Variants in CCNH observed in about 807,000 individuals in gnomAD.
CCNH encodes cyclin H.
Under a neutral mutation model 41.9 loss-of-function variants are expected in CCNH, and 31 were observed. The ratio of observed to expected loss-of-function variants is 0.74; its 90% CI spans 0.56 to 1.00. The LOEUF (loss-of-function observed/expected upper bound fraction) is 1.00. Ranked by LOEUF, CCNH falls within the 50% of genes least tolerant of loss-of-function variation. The pLI, the probability that CCNH is intolerant of heterozygous loss-of-function variation, is 0.00. For synonymous variants in CCNH, 138 were observed against 136.1 expected (o/e 1.01, Z -0.10); for missense variants, 362 against 388.4 (o/e 0.93, Z 0.57).
intron 7 of CCNH, among the ~76,000 whole-genome samples, chr5:87,396,194 G>A (rs185048381): frequency 6.6e-6 from 1 of 152,276 alleles, no homozygotes; most frequent in Admixed American, 6.5e-5. Context: ...GGGAGGATGT[G>A]TATAGGTTAT....
At chr5:87,369,439 TAGAACATTTTTGGTCTA>T (rs1760766265) in intron 9 of CCNH, among the ~76,000 whole-genome samples, 2 of 152,178 alleles carry the variant, frequency 1.3e-5, no homozygotes, top group South Asian at 4.1e-4. Flanking sequence ...GATAATTACT[TAGAACATTTTTGGTCTA>T]AGAACATTTC....
intron 9 of CCNH, among the ~76,000 whole-genome samples, chr5:87,324,385 A>T (rs912532002): frequency 1.1e-4 from 16 of 151,902 alleles, no homozygotes; most frequent in African/African-American, 3.6e-4. Flanking sequence ...TACTAGGGTG[A>T]TGGGAGTTAA....
Position 87,352,303 on chromosome 5 carries a change from TACAC to T in CCNH, c.*91-33410_*91-33407del, listed in dbSNP as rs142667821. ...ATAGGGAAGATAACATACTTGAAGATACACACACACACACATATATATTCTAATT... is the reference window on the plus strand; with the variant it reads ...ATAGGGAAGATAACATACTTGAAGATACACACACACATATATATTCTAATT... On this transcript the variant is annotated intron_variant and NMD_transcript_variant, in intron 9 of 9. Coordinates refer to the CCNH transcript ENST00000645953. 1.6e-3 allele frequency among the ~76,000 whole-genome samples: 240 copies of T among 150,142 alleles called. 1 individual carries two copies. Among genetic ancestry groups the T allele is most frequent in the Middle Eastern group, 6.9e-3 (2 of 288 alleles).
At chr5:87,393,148 T>TAA (rs796376083), downstream of CCNH, among the ~76,000 whole-genome samples, 3 of 152,074 alleles carry the variant, frequency 2.0e-5, no homozygotes, top group African/African-American at 7.2e-5. Flanking sequence ...ATGCATATAG[T>TAA]AAGTATTGCC....
Position 87,406,452 on chromosome 5 carries a change from T to G in CCNH, c.526-1445A>C, listed in dbSNP as rs3093798. 9.3e-3 allele frequency among the ~76,000 whole-genome samples: 1,409 copies of G among 152,270 alleles called. 10 individuals carry two copies. Among genetic ancestry groups the G allele is most frequent in the South Asian group, 0.023 (109 of 4,824 alleles). On this transcript the variant is annotated intron_variant, in intron 4 of 8. Transcript: ENST00000256897. ...CATCTCTATATGCAATCAATCCTCA[T>G]GTTCTATTGATTCTACCTAACTACA...
chr5:87,338,536 A>ATATATATATATATATATATATATATTTT, intron 9 of CCNH, among the ~76,000 whole-genome samples: 2 of 85,216 alleles, frequency 2.3e-5, no homozygotes, highest in East Asian at 4.9e-4. Context: ...TATATATAAA[A>ATATATATATATATATATATATATATTTT]TTTTTTTTTT....
chr5:87,339,870 A>G (rs889819923), intron 9 of CCNH, among the ~76,000 whole-genome samples: 3 of 152,132 alleles, frequency 2.0e-5, no homozygotes, highest in Non-Finnish European at 4.4e-5. Flanking sequence ...TTCTTTGTAG[A>G]TTGAAAAACC....
chr5:87,349,559 T>C (rs571031020), intron 9 of CCNH, among the ~76,000 whole-genome samples: 17 of 152,072 alleles, frequency 1.1e-4, no homozygotes, highest in Middle Eastern at 6.8e-3. Context: ...TAGTAACTTA[T>C]ACTTTGTTTC....
chr5:87,331,357 C>A lies in CCNH; in HGVS notation c.*91-12460G>T. ...TCTGTTTTTCCCCTAGGTGGTATCA[C>A]GGAAAACTTGACAGAACGATAGCAG... On this transcript the variant is annotated intron_variant and NMD_transcript_variant, in intron 9 of 9. Coordinates refer to the CCNH transcript ENST00000645953. The A allele has an allele frequency of 1.2e-6, 2 of 1,607,990 alleles. No homozygotes were observed. The highest frequency in any genetic ancestry group is 1.3e-5 in the African/African-American group (1 of 74,860).
chr5:87,323,717 C>CT lies in CCNH; in HGVS notation c.*91-4821dup, dbSNP rs796856633. Among the ~76,000 whole-genome samples the CT allele has an allele frequency of 2.3e-3, 331 of 143,918 alleles. 1 individual carries two copies. The highest frequency in any genetic ancestry group is 0.011 in the Middle Eastern group (3 of 272). The allele number at this position is 143,918 out of a possible 152,430, so 94.4% of individuals were successfully genotyped here. A position where few individuals can be genotyped will look rare whatever the true frequency, so the allele number is the denominator to read the frequency against. ...CTATATATCTTTTGATAAGTCAATT[C>CT]TTTTTTTTTTTGCCTGTGCTTTTTC... is the stretch of plus-strand genomic sequence containing the variant. On this transcript the variant is annotated intron_variant and NMD_transcript_variant, in intron 9 of 9. Transcript: ENST00000645953.
At chr5:87,329,707 TG>T (rs1757474087) in intron 9 of CCNH, among the ~76,000 whole-genome samples, 1 of 152,146 alleles carries the variant, frequency 6.6e-6, no homozygotes, top group Non-Finnish European at 1.5e-5. Context: ...ATTTTATCTT[TG>T]TTGGGTATAT....
At chr5:87,312,969 G>A in the CCNH span, among the ~76,000 whole-genome samples, 11 of 152,206 alleles carry the variant, frequency 7.2e-5, no homozygotes, top group African/African-American at 2.7e-4. Context: ...GAAGGAAAAT[G>A]ATACTTTCCC....
intron 7 of CCNH, among the ~76,000 whole-genome samples, chr5:87,395,406 G>T (rs1179823930): frequency 6.6e-6 from 1 of 151,624 alleles, no homozygotes; most frequent in Non-Finnish European, 1.5e-5. Context: ...AGTGTTGGAG[G>T]ACCTTGTCCC....
intron 9 of CCNH, among the ~76,000 whole-genome samples, chr5:87,364,706 C>T (rs531391107): frequency 6.4e-4 from 97 of 152,134 alleles, no homozygotes; most frequent in African/African-American, 2.3e-3. Context: ...TGGGTTGAAT[C>T]CTTCCTCAAA....
At chr5:87,394,667 G>A in intron 8 of CCNH, 183 bp from the exon 9 acceptor site, 1 of 1,396,876 alleles carries the variant, frequency 7.2e-7, no homozygotes, top group Non-Finnish European at 9.3e-7. Flanking sequence ...GACTCCTCCA[G>A]TGAGGAATAA....
intron 9 of CCNH, among the ~76,000 whole-genome samples, chr5:87,328,441 G>C (rs575831250): frequency 1.8e-4 from 27 of 152,136 alleles, no homozygotes; most frequent in Middle Eastern, 3.4e-3. Context: ...ATGTTTTCTT[G>C]TATTTCTTTG....
chr5:87,335,381 C>T (rs181009757), intron 9 of CCNH, among the ~76,000 whole-genome samples: 11 of 137,446 alleles, frequency 8.0e-5, no homozygotes, highest in Admixed American at 1.5e-4. Flanking sequence ...GAAATAATGA[C>T]TTTTCTGATG....
At chr5:87,337,238 C>T (rs1022410101) in intron 9 of CCNH, among the ~76,000 whole-genome samples, 1 of 151,908 alleles carries the variant, frequency 6.6e-6, no homozygotes, top group African/African-American at 2.4e-5. Flanking sequence ...TTGTTGTTTC[C>T]ATAATTGTGT....
chr5:87,324,146 A>G lies in CCNH; in HGVS notation c.*91-5249T>C, dbSNP rs377432359. Among the ~76,000 whole-genome samples, 12 of 152,320 alleles carry G rather than the reference A, an allele frequency of 7.9e-5. 1 individual carries two copies. Among genetic ancestry groups the G allele is most frequent in the Admixed American group, 5.2e-4 (8 of 15,292 alleles). Reference sequence around the variant, plus strand: ...ATGTGCTGAATGGTATGATACTATAATTGTTGAAGTTCTAAGAAAAACCCA... The same window carrying G: ...ATGTGCTGAATGGTATGATACTATAGTTGTTGAAGTTCTAAGAAAAACCCA... On this transcript the variant is annotated intron_variant and NMD_transcript_variant, in intron 9 of 9. Coordinates refer to the CCNH transcript ENST00000645953.
Sources: allele counts gnomAD v4.1 joint callset (sites outside exome capture counted in the v4.1 genomes callset), GRCh38; gene constraint gnomAD v4.1.1; transcripts MANE v1.5; gene names NCBI Gene and HGNC (gene_info 2026-07-23, HGNC 2026-07-21).